NDST4: variants seen among roughly 807,000 people sequenced by gnomAD.
NDST4 encodes the protein N-deacetylase and N-sulfotransferase 4, also known as N-heparan sulfate sulfotransferase 4.
A neutral mutation model predicts 100.8 loss-of-function variants in NDST4; 63 were observed. That is an observed-to-expected ratio of 0.62 (90% CI 0.51 to 0.77). The LOEUF is 0.77. Ranked by LOEUF, NDST4 falls within the 30% of genes least tolerant of loss-of-function variation. The pLI is 0.00. For missense variants in NDST4, 943 were observed against 1,018.4 expected (o/e 0.93, Z 1.01); for synonymous variants, 377 against 361.8 (o/e 1.04, Z -0.48).
intron 2 of NDST4, among the ~76,000 whole-genome samples, chr4:115,059,629 C>A (rs185613167): frequency 6.6e-6 from 1 of 152,010 alleles, no homozygotes. Flanking sequence ...TTCATACAGA[C>A]CATCTATCTT....
intron 6 of NDST4, among the ~76,000 whole-genome samples, chr4:114,888,466 G>A (rs572957071): frequency 1.3e-5 from 2 of 152,190 alleles, no homozygotes; most frequent in Admixed American, 6.5e-5. Context: ...ATGTCAATTC[G>A]CTAGCACTCC....
At chr4:115,103,844 A>G (rs1474204425) in intron 1 of NDST4, among the ~76,000 whole-genome samples, 1 of 152,168 alleles carries the variant, frequency 6.6e-6, no homozygotes, top group African/African-American at 2.4e-5. Flanking sequence ...ATTCTCAAAC[A>G]TCAGAAAAGC....
chr4:114,908,113 A>C (rs1045160101), intron 6 of NDST4, among the ~76,000 whole-genome samples: 3 of 152,206 alleles, frequency 2.0e-5, no homozygotes, highest in Non-Finnish European at 4.4e-5. Context: ...GATCAAGTGA[A>C]TATTACCAAA....
At chr4:114,876,143 C>G (rs1724250181) in intron 6 of NDST4, among the ~76,000 whole-genome samples, 1 of 152,132 alleles carries the variant, frequency 6.6e-6, no homozygotes, top group Admixed American at 6.6e-5. Flanking sequence ...GAGAGCCACC[C>G]TGTTTTAGGG....
At chr4:114,831,371 T>A (rs1723198476) in intron 12 of NDST4, among the ~76,000 whole-genome samples, 1 of 152,214 alleles carries the variant, frequency 6.6e-6, no homozygotes, top group Non-Finnish European at 1.5e-5. Flanking sequence ...GACTTTTCAA[T>A]CTGCTCTTTG....
intron 2 of NDST4, among the ~76,000 whole-genome samples, chr4:115,065,269 T>C (rs912704456): frequency 9.2e-5 from 14 of 152,084 alleles, no homozygotes; most frequent in African/African-American, 1.4e-4. Flanking sequence ...TATTCTGAAT[T>C]GGGTTTCTTT....
Position 114,867,100 on chromosome 4 carries a change from C to A in NDST4, c.1719+3668G>T, listed in dbSNP as rs148529791. Among the ~76,000 whole-genome samples the A allele has an allele frequency of 8.1e-3, 1,238 of 152,268 alleles. 88 individuals are homozygous for A. The South Asian group carries it at 0.17, about 21-fold the overall frequency. On this transcript the variant is annotated intron_variant, in intron 7 of 13. Transcript: ENST00000264363. ...TGACTTAGAACAAGGCATTTCACTA[C>A]ACTGAGTGTCATCCATTTTCTCTCT...
intron 6 of NDST4, among the ~76,000 whole-genome samples, chr4:114,883,336 A>G (rs778824550): frequency 3.3e-5 from 5 of 152,090 alleles, no homozygotes; most frequent in Non-Finnish European, 4.4e-5. Flanking sequence ...ACTGAGTTAT[A>G]AGGGACCTGC....
chr4:115,015,177 A>G (rs1198725089), intron 2 of NDST4, among the ~76,000 whole-genome samples: 1 of 152,108 alleles, frequency 6.6e-6, no homozygotes, highest in Non-Finnish European at 1.5e-5. Flanking sequence ...TTTTGTGTGT[A>G]ATTGATATGA....
intron 2 of NDST4, among the ~76,000 whole-genome samples, chr4:114,993,249 A>C (rs1380721286): frequency 1.3e-5 from 2 of 151,928 alleles, no homozygotes; most frequent in Non-Finnish European, 2.9e-5. Flanking sequence ...CTGGGTGTGC[A>C]CTACTAAAGT....
intron 4 of NDST4, among the ~76,000 whole-genome samples, chr4:114,962,111 C>T (rs1726276718): frequency 6.6e-6 from 1 of 152,022 alleles, no homozygotes; most frequent in Non-Finnish European, 1.5e-5. Flanking sequence ...CAACATCCTT[C>T]TATGATAAAA....
intron 6 of NDST4, among the ~76,000 whole-genome samples, chr4:114,914,424 T>C (rs1725126102): frequency 6.6e-6 from 1 of 152,104 alleles, no homozygotes; most frequent in Non-Finnish European, 1.5e-5. Flanking sequence ...AAATATCTCA[T>C]ACATCCCATA....
chr4:114,841,540 A>C (rs1203302337), intron 10 of NDST4, among the ~76,000 whole-genome samples: 2 of 152,216 alleles, frequency 1.3e-5, no homozygotes, highest in Admixed American at 1.3e-4. Context: ...ACACATCATA[A>C]AGATTCTCTT....
At chr4:114,921,420 T>A (rs1001236724) in intron 6 of NDST4, among the ~76,000 whole-genome samples, 6 of 152,178 alleles carry the variant, frequency 3.9e-5, no homozygotes, top group Non-Finnish European at 7.4e-5. Context: ...ATGATTTATG[T>A]GTTCAAGCAG....
chr4:114,906,580 C>A (rs1724953078), intron 6 of NDST4, among the ~76,000 whole-genome samples: 1 of 151,888 alleles, frequency 6.6e-6, no homozygotes, highest in Non-Finnish European at 1.5e-5. Flanking sequence ...TTTTACTTCT[C>A]AAATTTCCCT....
intron 2 of NDST4, among the ~76,000 whole-genome samples, chr4:114,980,126 G>T (rs1177557761): frequency 6.6e-6 from 1 of 151,932 alleles, no homozygotes; most frequent in Non-Finnish European, 1.5e-5. Flanking sequence ...AGAAATATTA[G>T]GGCAAAAATA....
intron 4 of NDST4, among the ~76,000 whole-genome samples, chr4:114,965,977 T>C (rs912459096): frequency 7.9e-5 from 12 of 152,024 alleles, no homozygotes; most frequent in African/African-American, 2.7e-4. Flanking sequence ...CATCTATTTA[T>C]TGACGTACTC....
intron 2 of NDST4, among the ~76,000 whole-genome samples, chr4:115,043,006 G>T (rs1728386372): frequency 6.6e-6 from 1 of 151,548 alleles, no homozygotes; most frequent in Non-Finnish European, 1.5e-5. Flanking sequence ...TGGTACTCTG[G>T]GAGTTTACTG....
intron 2 of NDST4, among the ~76,000 whole-genome samples, chr4:115,072,802 A>G (rs754463426): frequency 2.6e-5 from 4 of 151,984 alleles, no homozygotes; most frequent in Non-Finnish European, 5.9e-5. Flanking sequence ...TGACCCAAAA[A>G]CACAAGCAAC....
Sources: gnomAD v4.1 joint callset for allele counts (sites outside exome capture counted in the v4.1 genomes callset) on GRCh38, gnomAD v4.1.1 for gene constraint, MANE v1.5 for transcripts, NCBI Gene and HGNC (gene_info 2026-07-23, HGNC 2026-07-21) for gene names.